The following RSRC1 variants were observed in gnomAD, a reference collection of about 807,000 sequenced individuals.
RSRC1 encodes arginine and serine rich coiled-coil 1.
In RSRC1, 39 loss-of-function variants were observed where a neutral mutation model predicts 49.1. The ratio of observed to expected loss-of-function variants is 0.79; its 90% CI spans 0.61 to 1.04. RSRC1 has a LOEUF of 1.04. Among genes scored for constraint, RSRC1 ranks in the 50% least tolerant of loss-of-function variants. The pLI is 0.00. For missense variants in RSRC1, 388 were observed against 402.4 expected (o/e 0.96, Z 0.31); for synonymous variants, 143 against 130.8 (o/e 1.09, Z -0.63).
At chr3:158,144,889 T>C (rs1392405709) in intron 3 of RSRC1, among the ~76,000 whole-genome samples, 1 of 152,230 alleles carries the variant, frequency 6.6e-6, no homozygotes, top group African/African-American at 2.4e-5. Flanking sequence ...TGGCCAGTGA[T>C]GATGAGCATT....
At chr3:158,188,304 A>G (rs1217874072) in intron 3 of RSRC1, among the ~76,000 whole-genome samples, 1 of 151,992 alleles carries the variant, frequency 6.6e-6, no homozygotes. Flanking sequence ...TCTGATTTGT[A>G]GATTAGAACT....
At chr3:158,481,840 A>C (rs1463447631) in intron 7 of RSRC1, among the ~76,000 whole-genome samples, 2 of 152,014 alleles carry the variant, frequency 1.3e-5, no homozygotes, top group African/African-American at 4.8e-5. Flanking sequence ...TTTGTCATTT[A>C]AATGATAATA....
chr3:158,342,113 G>A (rs1174675302), intron 5 of RSRC1, among the ~76,000 whole-genome samples: 2 of 152,182 alleles, frequency 1.3e-5, no homozygotes, highest in African/African-American at 4.8e-5. Context: ...GAAGGAATTT[G>A]CTTTGTCTCA....
intron 5 of RSRC1, among the ~76,000 whole-genome samples, chr3:158,338,510 A>G (rs1390566687): frequency 6.6e-6 from 1 of 152,222 alleles, no homozygotes; most frequent in Admixed American, 6.5e-5. Flanking sequence ...TAGTGAGATT[A>G]CATTTAAAGG....
In RSRC1 at chr3:158,537,141, T is replaced by TC; in HGVS notation, c.702_703insC (p.Ile235HisfsTer2). ...TAAAAAGAGTAAAAGAAATTGAAGC[T>TC]ATTGAAAGTGATTCTTTTGTTCAGC... On this transcript the variant is annotated frameshift_variant, in exon 8 of 10. Transcript: ENST00000611884. LOFTEE classifies it high-confidence loss of function. The TC allele has an allele frequency of 1.2e-6, 2 of 1,603,046 alleles. No individual in the cohort carries two copies. Among genetic ancestry groups the TC allele is most frequent in the Non-Finnish European group, 1.7e-6 (2 of 1,175,350 alleles).
At chr3:158,184,993 G>A (rs940470321) in intron 3 of RSRC1, among the ~76,000 whole-genome samples, 4 of 149,830 alleles carry the variant, frequency 2.7e-5, no homozygotes, top group African/African-American at 7.4e-5. Context: ...CATAGTTTTC[G>A]GAGTTTGATT....
At chr3:158,356,383 C>A (rs889363432) in intron 6 of RSRC1, among the ~76,000 whole-genome samples, 6 of 151,982 alleles carry the variant, frequency 3.9e-5, no homozygotes, top group African/African-American at 9.7e-5. Flanking sequence ...TGTCCACAGT[C>A]TAAAGATTGG....
At chr3:158,217,772 G>GGA (rs1553770270) in intron 4 of RSRC1, among the ~76,000 whole-genome samples, 1 of 146,938 alleles carries the variant, frequency 6.8e-6, no homozygotes, top group African/African-American at 2.5e-5. Context: ...GTGTGGGGGG[G>GGA]GAATTGTAAA....
chr3:158,425,003 A>G (rs1167817312), intron 6 of RSRC1, among the ~76,000 whole-genome samples: 1 of 149,820 alleles, frequency 6.7e-6, no homozygotes, highest in Non-Finnish European at 1.5e-5. Flanking sequence ...GCGGTCTATC[A>G]ATTTTGTTGA....
At position 158,123,925 on chromosome 3, in the gene RSRC1, G is replaced by A. The variant is rs760399877; in HGVS notation, c.254G>A (p.Ser85Asn). ...SYGSRRKRSR[S>N]RSRGRGKSYR... is the part of the protein sequence containing the mutation. ...GGCTCCAGAAGGAAACGAAGTCGAA[G>A]TCGTTCAAGGGGTCGAGGGAAATCC... The change falls in exon 3 of 10, where the codon AGT (serine) becomes AAT (asparagine). Residue 85 changes from serine to asparagine, a missense_variant. Transcript: ENST00000611884. 1 of 1,613,036 alleles carries A rather than the reference G, an allele frequency of 6.2e-7. No individual in the cohort carries two copies. Among genetic ancestry groups the A allele is most frequent in the African/African-American group, 1.3e-5 (1 of 74,872 alleles).
intron 6 of RSRC1, among the ~76,000 whole-genome samples, chr3:158,456,460 C>T (rs1296275012): frequency 1.3e-5 from 2 of 152,136 alleles, no homozygotes; most frequent in Non-Finnish European, 2.9e-5. Flanking sequence ...GAAGTAAACA[C>T]TGACAATTTC....
chr3:158,354,535 A>C (rs966731854), intron 5 of RSRC1, among the ~76,000 whole-genome samples: 1 of 152,200 alleles, frequency 6.6e-6, no homozygotes, highest in Admixed American at 6.5e-5. Context: ...TTCTATGTGC[A>C]AAGAAATAAC....
In RSRC1 at chr3:158,467,115, G is replaced by A. The variant is rs1737925024; in HGVS notation, c.652+6112G>A. ...TAAACTATTGTTGTTACTCAGAATT[G>A]CAACACAAAAGAGTATGACGATTAT... On this transcript the variant is annotated intron_variant, in intron 7 of 9. Coordinates refer to ENST00000611884, the MANE Select transcript of RSRC1 (RefSeq NM_001271838.2). Among the ~76,000 whole-genome samples, 2 of 152,110 alleles carry A rather than the reference G, an allele frequency of 1.3e-5. 1 individual carries two copies. The highest frequency in any genetic ancestry group is 4.2e-4 in the South Asian group (2 of 4,814).
chr3:158,492,032 T>C (rs1739105464), intron 7 of RSRC1, among the ~76,000 whole-genome samples: 1 of 152,140 alleles, frequency 6.6e-6, no homozygotes, highest in Admixed American at 6.6e-5. Context: ...CAGTTCCACA[T>C]GGCTGGGGGA....
chr3:158,145,025 A>G (rs1310473574), intron 3 of RSRC1, among the ~76,000 whole-genome samples: 2 of 151,960 alleles, frequency 1.3e-5, no homozygotes, highest in African/African-American at 2.4e-5. Context: ...TAGATTCTGG[A>G]TATTAGCCCT....
At chr3:158,373,588 A>T (rs1262177563) in intron 6 of RSRC1, among the ~76,000 whole-genome samples, 5 of 151,946 alleles carry the variant, frequency 3.3e-5, no homozygotes, top group Non-Finnish European at 5.9e-5. Context: ...TCACTTGGGC[A>T]TGATATACTT....
chr3:158,491,685 TTTGA>T (rs1287364512), intron 7 of RSRC1, among the ~76,000 whole-genome samples: 34 of 152,352 alleles, frequency 2.2e-4, no homozygotes, highest in African/African-American at 7.9e-4. Context: ...TTTGATTATC[TTTGA>T]TTATCAAATT....
intron 7 of RSRC1, among the ~76,000 whole-genome samples, chr3:158,481,132 G>A (rs1272052266): frequency 1.3e-5 from 2 of 152,026 alleles, no homozygotes; most frequent in African/African-American, 2.4e-5. Flanking sequence ...AAGTAGTGTC[G>A]TTTATATTGT....
intron 1 of RSRC1, among the ~76,000 whole-genome samples, chr3:158,110,868 G>A (rs1395102126): frequency 6.6e-6 from 1 of 152,218 alleles, no homozygotes; most frequent in Admixed American, 6.5e-5. Context: ...ACTTTTGCAA[G>A]ATGTTACAAT....
Sources: allele counts gnomAD v4.1 joint callset (sites outside exome capture counted in the v4.1 genomes callset), GRCh38; gene constraint gnomAD v4.1.1; transcripts MANE v1.5; gene names NCBI Gene and HGNC (gene_info 2026-07-23, HGNC 2026-07-21).